Variants in ANO4 observed in about 807,000 individuals in gnomAD.
ANO4 encodes anoctamin-4.
In ANO4, 69 loss-of-function variants were observed where a neutral mutation model predicts 141.9. The observed-to-expected ratio is 0.49, with a 90% CI of 0.40 to 0.59. The LOEUF (loss-of-function observed/expected upper bound fraction) is 0.59, where lower values mean the gene tolerates loss of function less well. ANO4 is among the 20% of genes least tolerant of loss of function. The pLI is 0.00. For missense variants in ANO4, 894 were observed against 1,162.2 expected (o/e 0.77, Z 3.36); for synonymous variants, 350 against 394.3 (o/e 0.89, Z 1.33).
In ANO4 at chr12:100,961,148, A is replaced by T. The variant is rs188935801; in HGVS notation, c.457-10158A>T. ...ACCTTCTTTGTATCCCGAGGGTCCAATTAGGGCCTATGCACTAGGCAACAC... is the reference window on the plus strand; with the variant it reads ...ACCTTCTTTGTATCCCGAGGGTCCATTTAGGGCCTATGCACTAGGCAACAC... On this transcript the variant is annotated intron_variant, in intron 5 of 27. Coordinates refer to ENST00000392977, the MANE Select transcript of ANO4 (RefSeq NM_001286615.2). Among the ~76,000 whole-genome samples the T allele has an allele frequency of 6.6e-5, 10 of 152,300 alleles. No homozygotes were observed. In the East Asian group the frequency reaches 1.9e-3, roughly 29 times the overall value.
chr12:101,073,037 G>T (rs2048883812), intron 14 of ANO4, among the ~76,000 whole-genome samples: 1 of 152,258 alleles, frequency 6.6e-6, no homozygotes, highest in East Asian at 1.9e-4. Flanking sequence ...AATTCCTCAA[G>T]GATCTAGAAC....
At chr12:100,940,697 C>A (rs1312902789) in intron 4 of ANO4, among the ~76,000 whole-genome samples, 1 of 152,082 alleles carries the variant, frequency 6.6e-6, no homozygotes, top group African/African-American at 2.4e-5. Context: ...CTAGCAATGG[C>A]CCTTCAGGTC....
chr12:101,098,895 T>G (rs1268078541), intron 21 of ANO4, among the ~76,000 whole-genome samples: 3 of 152,190 alleles, frequency 2.0e-5, no homozygotes, highest in East Asian at 1.9e-4. Flanking sequence ...CTTCTACTCC[T>G]GGATATCCTT....
At chr12:100,720,726 G>A (rs544066012) in intron 1 of ANO4, among the ~76,000 whole-genome samples, 5 of 152,226 alleles carry the variant, frequency 3.3e-5, no homozygotes, top group East Asian at 3.9e-4. Context: ...AGTCAGTCTC[G>A]TAGTGGGAGA....
rs777843875 is a variant in ANO4 at position 100,740,055 on chromosome 12, T to C, written c.308T>C (p.Val103Ala). 3 of 702,590 alleles carry C rather than the reference T, an allele frequency of 4.3e-6. No homozygotes were observed. In the South Asian group the frequency reaches 4.4e-5, roughly 10 times the overall value. 43.5% of individuals were successfully genotyped at this position (702,590 alleles called of 1,614,324 possible). The change falls in exon 3 of 30, where the codon GTG becomes GCG. Residue 103 changes from valine (V) to alanine (A), a missense_variant. Physicochemically the swap from Val to Ala is moderately conservative, Grantham distance 64. Transcript: ENST00000644049. Reference sequence around the variant, plus strand: ...CCAGCCTCACTGTCTATCACTCCAGTGCCTTCTTACAGCAGTAGCAGCCAG... The same window carrying C: ...CCAGCCTCACTGTCTATCACTCCAGCGCCTTCTTACAGCAGTAGCAGCCAG...
chr12:100,761,671 C>A (rs556448471), intron 3 of ANO4, among the ~76,000 whole-genome samples: 1 of 152,296 alleles, frequency 6.6e-6, no homozygotes, highest in African/African-American at 2.4e-5. Context: ...ATTGCCTGCA[C>A]AAACTGTTTA....
chr12:100,960,513 G>A (rs2043371321), intron 5 of ANO4, among the ~76,000 whole-genome samples: 1 of 151,528 alleles, frequency 6.6e-6, no homozygotes, highest in South Asian at 2.1e-4. Context: ...AGACTGAGGA[G>A]GGATGTCATA....
intron 1 of ANO4, among the ~76,000 whole-genome samples, chr12:100,722,508 C>T (rs1448141690): frequency 6.6e-6 from 1 of 152,164 alleles, no homozygotes; most frequent in Non-Finnish European, 1.5e-5. Context: ...ATGCTCTGAA[C>T]GACTCCCTCC....
intron 3 of ANO4, among the ~76,000 whole-genome samples, chr12:100,765,379 C>CT (rs71091461): frequency 0.3 from 38,043 of 125,296 alleles, 6,503 homozygotes; most frequent in Non-Finnish European, 0.35. Flanking sequence ...TTCTTTCTTT[C>CT]TTTTTTTTTT....
intron 3 of ANO4, among the ~76,000 whole-genome samples, chr12:100,752,031 C>T (rs1159570756): frequency 6.6e-6 from 1 of 152,186 alleles, no homozygotes; most frequent in African/African-American, 2.4e-5. Flanking sequence ...CTTTGAGCCT[C>T]AATTTCTTCA....
chr12:101,016,546 A>G (rs1195336145), intron 8 of ANO4, among the ~76,000 whole-genome samples: 1 of 152,200 alleles, frequency 6.6e-6, no homozygotes, highest in Non-Finnish European at 1.5e-5. Context: ...ACAAACATCC[A>G]AACTATATCA....
chr12:100,757,700 C>G (rs1365118226), intron 3 of ANO4, among the ~76,000 whole-genome samples: 2 of 152,214 alleles, frequency 1.3e-5, no homozygotes, highest in Non-Finnish European at 2.9e-5. Context: ...ACACAGACTG[C>G]CAACCTGCCT....
intron 8 of ANO4, among the ~76,000 whole-genome samples, chr12:100,999,052 A>G (rs1010438151): frequency 5.3e-5 from 8 of 152,248 alleles, no homozygotes; most frequent in African/African-American, 1.9e-4. Flanking sequence ...TTCAAGGCCA[A>G]GCATTCTGGC....
chr12:101,048,150 A>G lies in ANO4; in HGVS notation c.1252-191A>G, dbSNP rs758780689. 8.6e-5 allele frequency: 88 copies of G among 1,027,174 alleles called. No individual in the cohort carries two copies. The Middle Eastern group carries it at 2.1e-3, about 25-fold the overall frequency. The allele number at this position is 1,027,174 out of a possible 1,614,324, so 63.6% of individuals were successfully genotyped here. A position where few individuals can be genotyped will look rare whatever the true frequency, so the allele number is the denominator to read the frequency against. ...ATAAAGAGAACAAATTGTATCCTCTATATATGAACTACCTTGCAATTAGAG... is the reference window on the plus strand; with the variant it reads ...ATAAAGAGAACAAATTGTATCCTCTGTATATGAACTACCTTGCAATTAGAG... On this transcript the variant is annotated intron_variant, in intron 13 of 27. Coordinates refer to ENST00000392977, the MANE Select transcript of ANO4 (RefSeq NM_001286615.2).
chr12:100,778,539 C>G (rs2033609307), intron 3 of ANO4, among the ~76,000 whole-genome samples: 3 of 152,150 alleles, frequency 2.0e-5, no homozygotes, highest in Non-Finnish European at 4.4e-5. Context: ...CTTTCTGGAT[C>G]TGGTTTAGGG....
At chr12:101,085,206 C>G (rs2049437505) in intron 16 of ANO4, among the ~76,000 whole-genome samples, 1 of 152,166 alleles carries the variant, frequency 6.6e-6, no homozygotes. Context: ...GCTTCAAGGT[C>G]TAGCCTTTGA....
At chr12:101,027,847 A>G (rs7315568) in intron 9 of ANO4, among the ~76,000 whole-genome samples, 39,466 of 151,900 alleles carry the variant, frequency 0.26, 5,297 homozygotes, top group Non-Finnish European at 0.28. Flanking sequence ...AATGGGTCCC[A>G]TTTCCCTTGT....
intron 2 of ANO4, among the ~76,000 whole-genome samples, chr12:100,902,485 A>G (rs1221256913): frequency 1.3e-5 from 2 of 152,230 alleles, no homozygotes; most frequent in African/African-American, 4.8e-5. Context: ...GGGTTCAAGG[A>G]AATATCAGTG....
intron 1 of ANO4, among the ~76,000 whole-genome samples, chr12:100,806,606 G>T (rs560869324): frequency 3.1e-5 from 4 of 127,690 alleles, no homozygotes; most frequent in African/African-American, 6.0e-5. Context: ...GTGCCGTGGC[G>T]TGATCTCGGC....
Sources: allele counts gnomAD v4.1 joint callset (sites outside exome capture counted in the v4.1 genomes callset), GRCh38; gene constraint gnomAD v4.1.1; transcripts MANE v1.5; gene names NCBI Gene and HGNC (gene_info 2026-07-23, HGNC 2026-07-21).